SKA1: variants seen among roughly 807,000 people sequenced by gnomAD.
SKA1 encodes SKA complex subunit 1.
Under a neutral mutation model 31.8 loss-of-function variants are expected in SKA1, and 20 were observed. The observed-to-expected ratio is 0.63, with a 90% CI of 0.44 to 0.91. The LOEUF is 0.91. SKA1 is among the 40% of genes least tolerant of loss of function. The pLI is 0.00. For missense variants in SKA1, 253 were observed against 298.2 expected, an observed-to-expected ratio of 0.85 and a Z score of 1.12; for synonymous variants, 88 against 100.5, an observed-to-expected ratio of 0.88 and a Z score of 0.74.
chr18:50,391,514 T>C (rs1261275997), intron 6 of SKA1, among the ~76,000 whole-genome samples: 1 of 152,200 alleles, frequency 6.6e-6, no homozygotes, highest in Non-Finnish European at 1.5e-5. Flanking sequence ...GATGCTGCTA[T>C]AACAGCCGGC....
chr18:50,385,381 AC>A, intron 5 of SKA1, 28 bp downstream of exon 5: 2 of 1,510,826 alleles, frequency 1.3e-6, no homozygotes, highest in Non-Finnish European at 1.8e-6. Flanking sequence ...ATAATGTTCA[AC>A]CCCTTAATAA....
chr18:50,389,337 G>C (rs542644199), intron 5 of SKA1, among the ~76,000 whole-genome samples: 8 of 148,276 alleles, frequency 5.4e-5, no homozygotes, highest in Admixed American at 2.7e-4. Context: ...GTCTTTTTCT[G>C]GGGGGGAGAG....
In SKA1 at chr18:50,392,287, G is replaced by A. The variant is rs1348865895; in HGVS notation, c.*40G>A. Reference sequence around the variant, plus strand: ...TTTGAACATACCAACAGGGTATAGAGTATAGAGGCTATTTCTATAATTTTC... The same window carrying A: ...TTTGAACATACCAACAGGGTATAGAATATAGAGGCTATTTCTATAATTTTC... On this transcript the variant is annotated 3_prime_UTR_variant, in exon 7 of 7. Coordinates refer to ENST00000285116, the MANE Select transcript of SKA1 (RefSeq NM_145060.4). 2 of 1,236,634 alleles carry A rather than the reference G, an allele frequency of 1.6e-6. No individual in the cohort carries two copies. Among genetic ancestry groups the A allele is most frequent in the Admixed American group, 6.0e-5 (2 of 33,480 alleles). The allele number at this position is 1,236,634 out of a possible 1,614,324, so 76.6% of individuals were successfully genotyped here.
intron 2 of SKA1, 30 bp downstream of exon 2, chr18:50,375,948 A>G (rs780134867): frequency 5.9e-6 from 8 of 1,365,204 alleles, no homozygotes; most frequent in African/African-American, 1.4e-5. Flanking sequence ...CTGACTTTGT[A>G]TATACAAAAT....
intron 5 of SKA1, among the ~76,000 whole-genome samples, chr18:50,388,290 C>T (rs2041326901): frequency 6.6e-6 from 1 of 152,138 alleles, no homozygotes; most frequent in African/African-American, 2.4e-5. Context: ...CGGGGTTTCA[C>T]CATGTTAGCC....
intron 2 of SKA1, among the ~76,000 whole-genome samples, 174 bp from the exon 3 acceptor site, chr18:50,379,952 C>A (rs996000966): frequency 6.6e-6 from 1 of 152,198 alleles, no homozygotes; most frequent in African/African-American, 2.4e-5. Flanking sequence ...TTCCATACTA[C>A]TTAGAAATGA....
chr18:50,388,716 T>G (rs1284479927), intron 5 of SKA1, among the ~76,000 whole-genome samples: 1 of 152,220 alleles, frequency 6.6e-6, no homozygotes, highest in Non-Finnish European at 1.5e-5. Context: ...GGTCTTTGTT[T>G]TGGATAACAG....
chr18:50,383,723 G>A (rs1156507349), intron 4 of SKA1, among the ~76,000 whole-genome samples: 1 of 152,220 alleles, frequency 6.6e-6, no homozygotes, highest in Non-Finnish European at 1.5e-5. Context: ...GGATAGGTGA[G>A]AGCAGAACCT....
chr18:50,384,892 G>GAAAAAAAAAAAAA (rs796154111), intron 4 of SKA1, among the ~76,000 whole-genome samples: 1 of 68,572 alleles, frequency 1.5e-5, no homozygotes, highest in Non-Finnish European at 2.7e-5. Context: ...AAAAAAAAAG[G>GAAAAAAAAAAAAA]AAAAAAAAAA....
chr18:50,391,524 C>G (rs1427024277), intron 6 of SKA1, among the ~76,000 whole-genome samples: 2 of 152,204 alleles, frequency 1.3e-5, no homozygotes, highest in African/African-American at 4.8e-5. Flanking sequence ...TAACAGCCGG[C>G]AGTGCACAGG....
intron 4 of SKA1, among the ~76,000 whole-genome samples, chr18:50,384,891 G>A (rs1383108886): frequency 1.4e-3 from 150 of 107,208 alleles, no homozygotes; most frequent in East Asian, 1.8e-3. Flanking sequence ...AAAAAAAAAA[G>A]GAAAAAAAAA....
At chr18:50,388,127 G>A (rs993333528) in intron 5 of SKA1, among the ~76,000 whole-genome samples, 4 of 152,060 alleles carry the variant, frequency 2.6e-5, no homozygotes, top group South Asian at 4.1e-4. Flanking sequence ...TTGCTCTGTC[G>A]CCCAGGCTGG....
At chr18:50,386,619 A>G (rs539167405) in intron 5 of SKA1, among the ~76,000 whole-genome samples, 14 of 152,308 alleles carry the variant, frequency 9.2e-5, no homozygotes, top group Admixed American at 4.6e-4. Flanking sequence ...TGTACCATCT[A>G]TGGGTTTTGA....
In SKA1 at chr18:50,394,061, A is replaced by G. The variant is rs2041381337; in HGVS notation, c.*1814A>G. 6.6e-6 allele frequency: 1 copy of G among 152,266 alleles called. No homozygotes were observed. Among genetic ancestry groups the G allele is most frequent in the South Asian group, 2.1e-4 (1 of 4,834 alleles). 9.4% of individuals were successfully genotyped at this position (152,266 alleles called of 1,614,324 possible). ...CGCACTCCAGCTTTATGAAGTCAGC[A>G]AGTCCTGTGCTCAGGATGCTTCTGG... On this transcript the variant is annotated 3_prime_UTR_variant, in exon 7 of 7. Transcript: ENST00000285116.
At chr18:50,388,307 G>T (rs1205953622) in intron 5 of SKA1, among the ~76,000 whole-genome samples, 5 of 152,224 alleles carry the variant, frequency 3.3e-5, no homozygotes, top group African/African-American at 4.8e-5. Flanking sequence ...AGCCAGGATG[G>T]TCTCCATCTC....
rs374565551 is a variant in SKA1, at chr18:50,391,303, C to A, written c.619+10C>A. 5.7e-6 allele frequency: 9 copies of A among 1,581,400 alleles called. No homozygotes were observed. Among genetic ancestry groups the A allele is most frequent in the Non-Finnish European group, 7.7e-6 (9 of 1,168,224 alleles). ...ACGAAGGATACCAAAGGTAAAATGG[C>A]AGCATATATGTGTGTACATGTGAAC... On this transcript the variant is annotated intron_variant, in intron 6 of 6. Coordinates refer to ENST00000285116, the MANE Select transcript of SKA1 (RefSeq NM_145060.4).
In SKA1 at chr18:50,381,764, C is replaced by A. The variant is rs537927022; in HGVS notation, c.214-365C>A. ...TTTTTTGAGACGAGCCTTTCTCTGT[C>A]GCCCAGGCTGGAGTGCAGTGGCGCG... On this transcript the variant is annotated intron_variant, in intron 3 of 6. Transcript: ENST00000285116. Among the ~76,000 whole-genome samples, 6 of 146,648 alleles carry A rather than the reference C, an allele frequency of 4.1e-5. No homozygotes were observed. The South Asian group carries it at 1.3e-3, about 32-fold the overall frequency.
At chr18:50,385,448 G>A in intron 5 of SKA1, 95 bp downstream of exon 5, 2 of 1,092,386 alleles carry the variant, frequency 1.8e-6, no homozygotes, top group Non-Finnish European at 2.5e-6. Flanking sequence ...AATATGCTAT[G>A]TTCAAATATT....
chr18:50,382,066 A>AGCAGG, intron 3 of SKA1, 63 bp from the exon 4 acceptor site: 1 of 1,001,288 alleles, frequency 1.0e-6, no homozygotes, highest in Non-Finnish European at 1.5e-6. Context: ...CCTGCTCTTT[A>AGCAGG]GAATATCTTA....
Sources: allele counts gnomAD v4.1 joint callset (sites outside exome capture counted in the v4.1 genomes callset), GRCh38; gene constraint gnomAD v4.1.1; transcripts MANE v1.5; gene names NCBI Gene and HGNC (gene_info 2026-07-23, HGNC 2026-07-21).